THADA: variants seen among roughly 807,000 people sequenced by gnomAD.
THADA encodes the protein THADA armadillo repeat containing, also known as tRNA (32-2'-O)-methyltransferase regulator THADA.
In THADA, 213 loss-of-function variants were observed where a neutral mutation model predicts 219.8. That is an observed-to-expected ratio of 0.97 (90% CI 0.87 to 1.09). The LOEUF (loss-of-function observed/expected upper bound fraction) is 1.09. Ranked by LOEUF, THADA falls within the 50% of genes least tolerant of loss-of-function variation. The pLI is 0.00. For missense variants in THADA, 2,956 were observed against 2,311.3 expected (o/e 1.28, Z -5.72); for synonymous variants, 1,018 against 828.9 (o/e 1.23, Z -3.92).
At chr2:43,470,222 AAAAAG>A (rs1378623638) in intron 26 of THADA, among the ~76,000 whole-genome samples, 22 of 146,306 alleles carry the variant, frequency 1.5e-4, no homozygotes, top group African/African-American at 5.3e-4. Flanking sequence ...AAAAAAAAAA[AAAAAG>A]AAAGAAGGAA....
At chr2:43,275,089 C>T (rs1335932715) in intron 36 of THADA, among the ~76,000 whole-genome samples, 1 of 148,240 alleles carries the variant, frequency 6.7e-6, no homozygotes, top group Non-Finnish European at 1.5e-5. Context: ...TGCGAAAATT[C>T]CACCTCCGAG....
chr2:43,280,957 C>G (rs561472372), intron 35 of THADA, among the ~76,000 whole-genome samples: 1 of 152,306 alleles, frequency 6.6e-6, no homozygotes, highest in East Asian at 1.9e-4. Context: ...GAATTCATGA[C>G]GAAAGTGAGA....
In THADA at chr2:43,581,846, G is replaced by C. The variant is rs1700495164; in HGVS notation, c.616C>G (p.Gln206Glu). 6.2e-7 allele frequency: 1 copy of C among 1,612,216 alleles called. No homozygotes were observed. The highest frequency in any genetic ancestry group is 1.7e-5 in the Admixed American group (1 of 59,694). The change falls in exon 8 of 38, where the codon CAG (glutamine) becomes GAG (glutamate). Residue 206 changes from glutamine (Q) to glutamate (E), a missense_variant. Physicochemically the swap from Gln to Glu is conservative, Grantham distance 29 (BLOSUM62 2). Transcript: ENST00000405975. ...VGIRVSMMLV[Q>E]KVQDFQGNLW... ...TTTCCCTGGAAATCTTGTACTTTCTGTACTAACATCATTGAAACTCTAATG... is the reference window on the plus strand; with the variant it reads ...TTTCCCTGGAAATCTTGTACTTTCTCTACTAACATCATTGAAACTCTAATG...
At chr2:43,265,883 C>A (rs1671452900) in intron 36 of THADA, among the ~76,000 whole-genome samples, 1 of 150,294 alleles carries the variant, frequency 6.7e-6, no homozygotes, top group Non-Finnish European at 1.5e-5. Flanking sequence ...TCATTTGGAA[C>A]AGATTAAGGG....
chr2:43,374,520 T>A (rs1045182173), intron 29 of THADA, among the ~76,000 whole-genome samples: 1 of 152,062 alleles, frequency 6.6e-6, no homozygotes, highest in Non-Finnish European at 1.5e-5. Flanking sequence ...TATACAGAAG[T>A]CAATCATTTT....
chr2:43,247,234 C>T (rs1669247373), intron 36 of THADA, among the ~76,000 whole-genome samples: 2 of 152,082 alleles, frequency 1.3e-5, no homozygotes, highest in African/African-American at 4.8e-5. Context: ...AATCAGACTA[C>T]ACTGAAAATG....
At chr2:43,448,159 A>G (rs982177730) in intron 26 of THADA, among the ~76,000 whole-genome samples, 12 of 152,232 alleles carry the variant, frequency 7.9e-5, no homozygotes, top group African/African-American at 2.9e-4. Context: ...AGCACTAGGA[A>G]CCTGTGTTCT....
intron 28 of THADA, among the ~76,000 whole-genome samples, chr2:43,418,967 C>T (rs1033885271): frequency 6.6e-6 from 1 of 152,144 alleles, no homozygotes; most frequent in East Asian, 1.9e-4. Context: ...GTGGAAGAAG[C>T]GGCCAGGCTG....
At chr2:43,283,511 T>C (rs899983432) in intron 35 of THADA, among the ~76,000 whole-genome samples, 1 of 152,212 alleles carries the variant, frequency 6.6e-6, no homozygotes, top group Non-Finnish European at 1.5e-5. Context: ...ATATGGGCAA[T>C]GAAGTCCAGA....
At chr2:43,338,154 CTT>C (rs35928615) in intron 30 of THADA, among the ~76,000 whole-genome samples, 9 of 126,330 alleles carry the variant, frequency 7.1e-5, no homozygotes, top group African/African-American at 5.9e-5. Flanking sequence ...ATCACCAGAA[CTT>C]TTTTTTTTTT....
intron 28 of THADA, among the ~76,000 whole-genome samples, chr2:43,414,571 A>T (rs1676709266): frequency 6.6e-6 from 1 of 152,234 alleles, no homozygotes; most frequent in African/African-American, 2.4e-5. Context: ...CCTTGCCATT[A>T]AACCTTTCAG....
In THADA at chr2:43,276,588, T is replaced by C. The variant is rs147265581; in HGVS notation, c.5296+3177A>G. ...TCCAGAAAGTGCCCGTGGGGACCGATAACTAGATCTGTTAAGGAGCACTGG... is the reference window on the plus strand; with the variant it reads ...TCCAGAAAGTGCCCGTGGGGACCGACAACTAGATCTGTTAAGGAGCACTGG... On this transcript the variant is annotated intron_variant, in intron 36 of 37. Coordinates refer to ENST00000405975, the MANE Select transcript of THADA (RefSeq NM_022065.5). Among the ~76,000 whole-genome samples, 395 of 152,256 alleles carry C rather than the reference T, an allele frequency of 2.6e-3. 1 individual carries two copies. Among genetic ancestry groups the C allele is most frequent in the African/African-American group, 9.2e-3 (382 of 41,548 alleles).
Position 43,551,868 on chromosome 2 carries a change from G to A in THADA, c.2868C>T (p.Ser956=). The A allele has an allele frequency of 6.2e-7, 1 of 1,613,820 alleles. No individual in the cohort carries two copies. The change falls in exon 19 of 38, where the codon TCC becomes TCT. Residue 956 remains serine, a synonymous_variant. Coordinates refer to ENST00000405975, the MANE Select transcript of THADA (RefSeq NM_022065.5). The stretch of plus-strand genomic sequence containing the variant: ...GAGACACCACAGTGGAAAGCCTGTA[G>A]GACATCAAAAGGAGCTTCTCTACCA... The part of the protein sequence containing the change: ...RPVVEKLLLM[S]YRLSTVVSPV...
chr2:43,579,233 A>C (rs11899260), intron 8 of THADA, among the ~76,000 whole-genome samples: 2 of 151,648 alleles, frequency 1.3e-5, no homozygotes, highest in African/African-American at 4.8e-5. Context: ...TTGCTTCCCA[A>C]AACACCTAAC....
chr2:43,286,493 T>G (rs957213760), intron 35 of THADA, among the ~76,000 whole-genome samples: 1 of 152,012 alleles, frequency 6.6e-6, no homozygotes. Context: ...GTAATCCCAG[T>G]ACTTTGGGAG....
chr2:43,292,824 G>A lies in THADA; in HGVS notation c.4818+10C>T. The A allele has an allele frequency of 6.2e-7, 1 of 1,608,852 alleles. No homozygotes were observed. The highest frequency in any genetic ancestry group is 1.7e-5 in the Admixed American group (1 of 59,996). On this transcript the variant is annotated intron_variant, in intron 32 of 37. Coordinates refer to ENST00000405975, the MANE Select transcript of THADA (RefSeq NM_022065.5). ...GTGTAAAGGGCCAGTCAGTACGTTG[G>A]AGACTTTACCTTGCAGAAGCATTCT...
At chr2:43,285,343 GA>G (rs967688791) in intron 35 of THADA, among the ~76,000 whole-genome samples, 1 of 152,140 alleles carries the variant, frequency 6.6e-6, no homozygotes, top group African/African-American at 2.4e-5. Context: ...CTATTCTCAT[GA>G]CAGTGAGTGA....
chr2:43,313,427 A>G (rs1358346825), intron 31 of THADA, among the ~76,000 whole-genome samples: 2 of 152,232 alleles, frequency 1.3e-5, no homozygotes, highest in Non-Finnish European at 1.5e-5. Flanking sequence ...CAAAATGTTT[A>G]TTGCACTTGG....
At chr2:43,525,853 CT>C (rs1372087827) in intron 22 of THADA, among the ~76,000 whole-genome samples, 1 of 152,184 alleles carries the variant, frequency 6.6e-6, no homozygotes, top group Non-Finnish European at 1.5e-5. Context: ...CCATGTTTGT[CT>C]CTATTCCCAG....
Sources: allele counts gnomAD v4.1 joint callset (sites outside exome capture counted in the v4.1 genomes callset), GRCh38; gene constraint gnomAD v4.1.1; transcripts MANE v1.5; gene names NCBI Gene and HGNC (gene_info 2026-07-23, HGNC 2026-07-21).